NRXN3: variants seen among roughly 807,000 people sequenced by gnomAD.
The protein encoded by NRXN3 is neurexin 3.
In NRXN3, 32 loss-of-function variants were observed where a neutral mutation model predicts 137.6. That is an observed-to-expected ratio of 0.23 (90% confidence interval 0.18 to 0.31). The LOEUF is 0.31. NRXN3 is among the 10% of genes least tolerant of loss of function. NRXN3 has a pLI of 1.00. For synonymous variants in NRXN3, 798 were observed against 784.5 expected, an observed-to-expected ratio of 1.02 and a Z score of -0.29; for missense variants, 1,574 against 2,062.5, an observed-to-expected ratio of 0.76 and a Z score of 4.59.
At chr14:78,920,465 A>T (rs2099267960) in intron 10 of NRXN3, among the ~76,000 whole-genome samples, 1 of 152,196 alleles carries the variant, frequency 6.6e-6, no homozygotes, top group Non-Finnish European at 1.5e-5. Context: ...ATTCAACAGA[A>T]AGCATTGAAC....
chr14:79,432,094 G>A (rs537108683), intron 15 of NRXN3, among the ~76,000 whole-genome samples: 9 of 140,570 alleles, frequency 6.4e-5, no homozygotes, highest in South Asian at 2.5e-4. Flanking sequence ...GAGAAATGGG[G>A]CCCCTCAGTG....
intron 1 of NRXN3, among the ~76,000 whole-genome samples, chr14:78,235,052 G>GTATATATATATATATATATA (rs2066088196): frequency 4.0e-5 from 4 of 100,166 alleles, no homozygotes; most frequent in Non-Finnish European, 9.5e-5. Flanking sequence ...GTGTGTGTGT[G>GTATATATATATATATATATA]TGTGTCTTTT....
At chr14:79,073,179 G>A (rs763242637) in intron 15 of NRXN3, among the ~76,000 whole-genome samples, 2 of 151,994 alleles carry the variant, frequency 1.3e-5, no homozygotes, top group South Asian at 2.1e-4. Flanking sequence ...GAGCCACCGC[G>A]CCCGGCCCGT....
rs1231656668 is a variant in NRXN3 at position 79,863,762 on chromosome 14, A to C, written c.*1798A>C. 6.6e-6 allele frequency: 1 copy of C among 152,664 alleles called. No homozygotes were observed. The highest frequency in any genetic ancestry group is 1.5e-5 in the Non-Finnish European group (1 of 68,034). The allele number at this position is 152,664 out of a possible 1,614,324, so 9.5% of individuals were successfully genotyped here. A position where few individuals can be genotyped will look rare whatever the true frequency, so the allele number is the denominator to read the frequency against. ...CAAAGCAAGACAAATATTCACACAAAAATGAAGTGTGTCCTCTGGAGGGTC... is the reference window on the plus strand; with the variant it reads ...CAAAGCAAGACAAATATTCACACAACAATGAAGTGTGTCCTCTGGAGGGTC... On this transcript the variant is annotated 3_prime_UTR_variant, in exon 21 of 21. Coordinates refer to ENST00000335750, the MANE Select transcript of NRXN3 (RefSeq NM_001330195.2).
At chr14:78,756,545 CAAAAAAAAAAA>C (rs869164043) in intron 8 of NRXN3, among the ~76,000 whole-genome samples, 1 of 70,830 alleles carries the variant, frequency 1.4e-5, no homozygotes, top group Non-Finnish European at 3.2e-5. Context: ...GATTCTGTCT[CAAAAAAAAAAA>C]AAAAAAAAAG....
chr14:79,249,399 T>A (rs2075643681), intron 15 of NRXN3, among the ~76,000 whole-genome samples: 1 of 152,090 alleles, frequency 6.6e-6, no homozygotes, highest in Non-Finnish European at 1.5e-5. Flanking sequence ...AATGGTTACA[T>A]GAAGAGAAAC....
intron 1 of NRXN3, among the ~76,000 whole-genome samples, chr14:78,194,111 A>G (rs1212191997): frequency 1.3e-5 from 2 of 152,192 alleles, no homozygotes; most frequent in African/African-American, 4.8e-5. Context: ...TGCGACCCAC[A>G]TCGGTCCCTT....
intron 15 of NRXN3, among the ~76,000 whole-genome samples, chr14:79,284,604 G>A (rs956653251): frequency 6.6e-6 from 1 of 151,890 alleles, no homozygotes; most frequent in African/African-American, 2.4e-5. Flanking sequence ...ATATTTGCAG[G>A]AAGAACTCTT....
In NRXN3 at chr14:78,299,597, G is replaced by T. The variant is rs2153528929; in HGVS notation, c.757+1737G>T. On this transcript the variant is annotated intron_variant, in intron 4 of 20. Transcript: ENST00000335750. Reference sequence around the variant, plus strand: ...GAGAACTGAGTGCATCACATCATAGGGCAGAGTGTGGCAAATGGGATAGGC... The same window carrying T: ...GAGAACTGAGTGCATCACATCATAGTGCAGAGTGTGGCAAATGGGATAGGC... 2.0e-5 allele frequency among the ~76,000 whole-genome samples: 3 copies of T among 152,220 alleles called. No individual in the cohort carries two copies. The South Asian group carries it at 6.2e-4, about 32-fold the overall frequency.
intron 8 of NRXN3, among the ~76,000 whole-genome samples, chr14:78,746,709 G>A (rs898072948): frequency 1.3e-5 from 2 of 152,168 alleles, no homozygotes; most frequent in Non-Finnish European, 2.9e-5. Context: ...CCATGGGCAT[G>A]CTCACTTCTA....
At chr14:79,283,492 AC>A (rs1385253773) in intron 15 of NRXN3, among the ~76,000 whole-genome samples, 1 of 152,064 alleles carries the variant, frequency 6.6e-6, no homozygotes, top group Admixed American at 6.6e-5. Context: ...TTTTACCTAC[AC>A]TTTTGCCTGT....
At chr14:78,468,010 G>A (rs1429546424) in intron 4 of NRXN3, among the ~76,000 whole-genome samples, 4 of 152,098 alleles carry the variant, frequency 2.6e-5, no homozygotes, top group South Asian at 2.1e-4. Flanking sequence ...TGCAACCTCC[G>A]CCTCCCAGGT....
At chr14:79,665,835 T>C (rs1158624588) in intron 17 of NRXN3, among the ~76,000 whole-genome samples, 1 of 152,166 alleles carries the variant, frequency 6.6e-6, no homozygotes, top group East Asian at 1.9e-4. Flanking sequence ...TTGCTTCCTA[T>C]ATGTTTTCAA....
At chr14:78,823,591 C>CT (rs149514622) in intron 10 of NRXN3, among the ~76,000 whole-genome samples, 1,751 of 152,250 alleles carry the variant, frequency 0.012, 29 homozygotes, top group African/African-American at 0.04. Context: ...GAAAGGAGAA[C>CT]TTTATTTCTC....
At chr14:78,278,713 T>G in intron 3 of NRXN3, 51 bp downstream of exon 3, 10 of 1,485,246 alleles carry the variant, frequency 6.7e-6, no homozygotes, top group Non-Finnish European at 9.1e-6. Flanking sequence ...CTCTGCTAGA[T>G]TGTGCATGGT....
At chr14:79,268,183 G>A (rs1305533190) in intron 15 of NRXN3, among the ~76,000 whole-genome samples, 1 of 152,134 alleles carries the variant, frequency 6.6e-6, no homozygotes, top group African/African-American at 2.4e-5. Flanking sequence ...TTAAATCACA[G>A]ATTTGTCATT....
rs186142515 is a variant in NRXN3 at position 78,782,206 on chromosome 14, C to T, written c.2045-21414C>T. 2.7e-3 allele frequency among the ~76,000 whole-genome samples: 415 copies of T among 152,344 alleles called. 1 individual carries two copies. Among genetic ancestry groups the T allele is most frequent in the Middle Eastern group, 6.8e-3 (2 of 294 alleles). On this transcript the variant is annotated intron_variant, in intron 8 of 20. Transcript: ENST00000335750. ...ATTTTCAAATATTTCCTCTGGCCCA[C>T]ATGCCAGTGATCCAGCTCCTCCATA...
intron 15 of NRXN3, among the ~76,000 whole-genome samples, chr14:79,386,440 T>G (rs906884110): frequency 2.2e-4 from 33 of 151,752 alleles, no homozygotes; most frequent in African/African-American, 4.8e-4. Context: ...CACTGCTCAA[T>G]GAAATAAAAG....
intron 19 of NRXN3, among the ~76,000 whole-genome samples, chr14:79,766,266 A>G (rs2099055668): frequency 6.6e-6 from 1 of 152,108 alleles, no homozygotes; most frequent in Non-Finnish European, 1.5e-5. Flanking sequence ...CTCAGCCTCT[A>G]GGAATGGGTT....
Sources: allele counts gnomAD v4.1 joint callset (sites outside exome capture counted in the v4.1 genomes callset), GRCh38; gene constraint gnomAD v4.1.1; transcripts MANE v1.5; gene names NCBI Gene and HGNC (gene_info 2026-07-23, HGNC 2026-07-21).